The following FBXL20 variants were observed in gnomAD, a reference collection of about 807,000 sequenced individuals.
FBXL20 encodes F-box and leucine rich repeat protein 20, also known as F-box/LRR-repeat protein 20.
A neutral mutation model predicts 64.0 loss-of-function variants in FBXL20; 11 were observed. That is an observed-to-expected ratio of 0.17 (90% confidence interval 0.11 to 0.28). The LOEUF (loss-of-function observed/expected upper bound fraction) is 0.28, where lower values mean the gene tolerates loss of function less well. Ranked by LOEUF, FBXL20 falls within the 10% of genes least tolerant of loss-of-function variation. FBXL20 has a pLI of 1.00. For missense variants in FBXL20, 303 were observed against 526.2 expected (o/e 0.58, Z 4.15); for synonymous variants, 184 against 189.0 (o/e 0.97, Z 0.22).
At chr17:39,265,629 CCT>C (rs1287610494) in intron 12 of FBXL20, among the ~76,000 whole-genome samples, 176 bp from the exon 13 acceptor site, 2 of 152,008 alleles carry the variant, frequency 1.3e-5, no homozygotes, top group East Asian at 3.9e-4. Flanking sequence ...ACCTCAGCCC[CCT>C]GAGTAGCTGG....
chr17:39,287,334 T>C (rs1004041424), intron 6 of FBXL20, among the ~76,000 whole-genome samples: 1 of 152,312 alleles, frequency 6.6e-6, no homozygotes, highest in Admixed American at 6.5e-5. Context: ...CAAATTAGGA[T>C]CCAAACAAGA....
chr17:39,394,278 C>CTT lies in FBXL20; in HGVS notation c.42+7081_42+7082dup, dbSNP rs529406292. 1.3e-3 allele frequency among the ~76,000 whole-genome samples: 181 copies of CTT among 134,282 alleles called. 2 individuals are homozygous for CTT. Among genetic ancestry groups the CTT allele is most frequent in the Middle Eastern group, 4.0e-3 (1 of 248 alleles). The allele number at this position is 134,282 out of a possible 152,430, so 88.1% of individuals were successfully genotyped here. Reference sequence around the variant, plus strand: ...CACAGTACTAGTTAGATTACTGAAACTTTTTTTTTTTTTTTTTTGAGACAG... The same window carrying CTT: ...CACAGTACTAGTTAGATTACTGAAACTTTTTTTTTTTTTTTTTTTTGAGACAG... On this transcript the variant is annotated intron_variant, in intron 1 of 14. Transcript: ENST00000264658.
intron 2 of FBXL20, among the ~76,000 whole-genome samples, chr17:39,316,962 C>G (rs980241292): frequency 2.0e-5 from 3 of 152,164 alleles, no homozygotes; most frequent in African/African-American, 7.2e-5. Context: ...GTGCTCCAGC[C>G]TGGGAGACAG....
chr17:39,365,157 C>G (rs554685377), intron 1 of FBXL20, among the ~76,000 whole-genome samples: 49 of 152,046 alleles, frequency 3.2e-4, no homozygotes, highest in African/African-American at 1.1e-3. Context: ...TAAAAAAAAT[C>G]CAGAGTTGAA....
intron 2 of FBXL20, among the ~76,000 whole-genome samples, chr17:39,306,153 TC>T (rs1426350771): frequency 1.6e-5 from 2 of 121,606 alleles, no homozygotes; most frequent in African/African-American, 4.9e-5. Flanking sequence ...TAGAGTGAGT[TC>T]TTTTTTTTTT....
intron 2 of FBXL20, among the ~76,000 whole-genome samples, chr17:39,327,415 T>C (rs992723782): frequency 6.6e-6 from 1 of 152,054 alleles, no homozygotes; most frequent in Non-Finnish European, 1.5e-5. Context: ...TATTTCTTCC[T>C]TGGAGAAAGA....
Position 39,297,773 on chromosome 17 carries a change from T to G in FBXL20, c.330-578A>C, listed in dbSNP as rs565092724. ...TCTTTTGAGATGGAATCTCTCTCTG[T>G]CACCCAGGCTGGAGTATAGTGGTGT... is the stretch of plus-strand genomic sequence containing the variant. On this transcript the variant is annotated intron_variant, in intron 5 of 14. Transcript: ENST00000264658. Among the ~76,000 whole-genome samples, 4 of 152,312 alleles carry G rather than the reference T, an allele frequency of 2.6e-5. No homozygotes were observed. In the East Asian group the frequency reaches 7.7e-4, roughly 29 times the overall value.
rs1405034067 is a variant in FBXL20 at position 39,380,705 on chromosome 17, CCATT to C, written c.42+20652_42+20655del. Reference sequence around the variant, plus strand: ...ATCTCCCCTCACTAGATTTTAAACTCCATTAGAGCAGGACTTTTTGTCCACTTTT... The same window carrying C: ...ATCTCCCCTCACTAGATTTTAAACTCAGAGCAGGACTTTTTGTCCACTTTT... On this transcript the variant is annotated intron_variant, in intron 1 of 14. Transcript: ENST00000264658. Among the ~76,000 whole-genome samples, 9 of 152,216 alleles carry C rather than the reference CCATT, an allele frequency of 5.9e-5. 1 individual carries two copies. Among genetic ancestry groups the C allele is most frequent in the African/African-American group, 1.9e-4 (8 of 41,516 alleles).
chr17:39,399,484 T>A (rs1275703352), intron 1 of FBXL20, among the ~76,000 whole-genome samples: 2 of 152,198 alleles, frequency 1.3e-5, no homozygotes, highest in Non-Finnish European at 1.5e-5. Flanking sequence ...TCAATGAACT[T>A]CATTAACACA....
At chr17:39,380,644 A>C (rs964570197) in intron 1 of FBXL20, among the ~76,000 whole-genome samples, 2 of 152,142 alleles carry the variant, frequency 1.3e-5, no homozygotes, top group Non-Finnish European at 2.9e-5. Flanking sequence ...CACTATCATT[A>C]ACATCTGGCA....
chr17:39,340,887 T>A (rs1471426213), intron 2 of FBXL20, among the ~76,000 whole-genome samples: 1 of 151,722 alleles, frequency 6.6e-6, no homozygotes, highest in Non-Finnish European at 1.5e-5. Flanking sequence ...AAATTACAAA[T>A]GCCCCAAAGT....
intron 4 of FBXL20, 140 bp from the exon 5 acceptor site, chr17:39,299,224 CCT>C (rs1947324497): frequency 6.5e-6 from 4 of 617,778 alleles, no homozygotes; most frequent in South Asian, 4.4e-5. Context: ...TGTAACTTAC[CCT>C]GAGAAAGCTT....
chr17:39,388,358 G>T (rs978180984), intron 1 of FBXL20, among the ~76,000 whole-genome samples: 3 of 151,876 alleles, frequency 2.0e-5, no homozygotes, highest in Non-Finnish European at 2.9e-5. Flanking sequence ...ACTCGGGAAG[G>T]TGAGGCACAA....
intron 2 of FBXL20, among the ~76,000 whole-genome samples, chr17:39,332,181 G>A (rs1252214884): frequency 6.6e-6 from 1 of 152,094 alleles, no homozygotes; most frequent in African/African-American, 2.4e-5. Context: ...AACCGAAGGA[G>A]AGGCTACAAG....
intron 3 of FBXL20, among the ~76,000 whole-genome samples, chr17:39,302,761 TG>T (rs1484748972): frequency 6.6e-6 from 1 of 152,132 alleles, no homozygotes; most frequent in Non-Finnish European, 1.5e-5. Context: ...CCTCCCATCT[TG>T]GCCTCCCAAA....
At chr17:39,303,554 G>A in intron 3 of FBXL20, 31 bp downstream of exon 3, 3 of 1,586,674 alleles carry the variant, frequency 1.9e-6, no homozygotes, top group Non-Finnish European at 2.6e-6. Flanking sequence ...TGAAGAAGGG[G>A]TCCCCCTGTA....
intron 4 of FBXL20, among the ~76,000 whole-genome samples, chr17:39,299,973 C>T (rs952560582): frequency 1.3e-4 from 20 of 150,158 alleles, no homozygotes; most frequent in African/African-American, 4.4e-4. Flanking sequence ...GGCTCACACC[C>T]GTAGTCCCAG....
chr17:39,342,514 G>A (rs529884099), intron 2 of FBXL20, among the ~76,000 whole-genome samples: 53 of 152,174 alleles, frequency 3.5e-4, no homozygotes, highest in Non-Finnish European at 6.0e-4. Context: ...AGGAGATCAA[G>A]ACCATCCTGG....
intron 1 of FBXL20, among the ~76,000 whole-genome samples, chr17:39,395,403 A>C (rs1261087382): frequency 2.0e-5 from 3 of 152,208 alleles, no homozygotes; most frequent in African/African-American, 7.2e-5. Context: ...CAGCCTGGGC[A>C]ACAGAGTGAG....
Sources: allele counts gnomAD v4.1 joint callset (sites outside exome capture counted in the v4.1 genomes callset), GRCh38; gene constraint gnomAD v4.1.1; transcripts MANE v1.5; gene names NCBI Gene and HGNC (gene_info 2026-07-23, HGNC 2026-07-21).